Variants in ARHGAP15 observed in about 807,000 individuals in gnomAD.
ARHGAP15 encodes rho GTPase-activating protein 15.
In ARHGAP15, 51 loss-of-function variants were observed where a neutral mutation model predicts 63.7. That is an observed-to-expected ratio of 0.80 (90% CI 0.64 to 1.01). The LOEUF (loss-of-function observed/expected upper bound fraction) is 1.01, where lower values mean the gene tolerates loss of function less well. Ranked by LOEUF, ARHGAP15 falls within the 50% of genes least tolerant of loss-of-function variation. The probability of loss-of-function intolerance (pLI) is 0.00; values close to 1 mark genes in which losing one functional copy is unlikely to be tolerated. For missense variants in ARHGAP15, 560 were observed against 564.6 expected (o/e 0.99, Z 0.08); for synonymous variants, 191 against 193.8 (o/e 0.99, Z 0.12).
At chr2:143,299,220 A>G (rs1363339040) in intron 6 of ARHGAP15, among the ~76,000 whole-genome samples, 1 of 151,966 alleles carries the variant, frequency 6.6e-6, no homozygotes, top group East Asian at 1.9e-4. Flanking sequence ...ACAAATACAC[A>G]CTGCAGTAAT....
intron 6 of ARHGAP15, among the ~76,000 whole-genome samples, chr2:143,376,477 G>T (rs1342272620): frequency 6.6e-6 from 1 of 152,062 alleles, no homozygotes; most frequent in Non-Finnish European, 1.5e-5. Flanking sequence ...TCCAAAATCA[G>T]GATCCGGACC....
Position 143,519,371 on chromosome 2 carries a change from G to A in ARHGAP15, c.925+7G>A, listed in dbSNP as rs1280676687. On this transcript the variant is annotated splice_region_variant and intron_variant, in intron 10 of 13. Coordinates refer to ENST00000295095, the MANE Select transcript of ARHGAP15 (RefSeq NM_018460.4). ...GAAGCTGTTGAGAAAAGAGGTGGGT[G>A]ACTGAATGTGCAGCAGTTCCCCCCA... 6.2e-7 allele frequency: 1 copy of A among 1,607,836 alleles called. No individual in the cohort carries two copies. The highest frequency in any genetic ancestry group is 8.5e-7 in the Non-Finnish European group (1 of 1,174,952).
At chr2:143,418,584 C>T (rs555880157) in intron 6 of ARHGAP15, among the ~76,000 whole-genome samples, 76 of 152,034 alleles carry the variant, frequency 5.0e-4, no homozygotes, top group African/African-American at 1.8e-3. Flanking sequence ...ATTTAAAGTT[C>T]ACATAAAAGA....
intron 6 of ARHGAP15, among the ~76,000 whole-genome samples, chr2:143,287,625 G>A (rs1029954687): frequency 6.6e-6 from 1 of 151,966 alleles, no homozygotes; most frequent in Non-Finnish European, 1.5e-5. Context: ...GACCATCATG[G>A]TGAAACCCCA....
At chr2:143,567,572 A>C (rs1650927815) in intron 11 of ARHGAP15, among the ~76,000 whole-genome samples, 1 of 152,210 alleles carries the variant, frequency 6.6e-6, no homozygotes, top group African/African-American at 2.4e-5. Flanking sequence ...AGATTTGGGA[A>C]GAAGAGGAGG....
At chr2:143,565,084 A>G (rs1696170966) in intron 11 of ARHGAP15, among the ~76,000 whole-genome samples, 3 of 152,166 alleles carry the variant, frequency 2.0e-5, no homozygotes, top group Non-Finnish European at 1.5e-5. Flanking sequence ...TACTTAAGAA[A>G]AATTAAATAA....
At chr2:143,520,135 A>C (rs1193022335) in intron 10 of ARHGAP15, among the ~76,000 whole-genome samples, 2 of 152,182 alleles carry the variant, frequency 1.3e-5, no homozygotes, top group Non-Finnish European at 2.9e-5. Flanking sequence ...TATTCCCAGG[A>C]TCTAGGGGGA....
At chr2:143,411,021 A>G (rs565790994) in intron 6 of ARHGAP15, among the ~76,000 whole-genome samples, 1 of 152,214 alleles carries the variant, frequency 6.6e-6, no homozygotes, top group Admixed American at 6.5e-5. Context: ...CCTGACCAAC[A>G]TGGAAAAACC....
At chr2:143,354,130 G>A (rs1252884289) in intron 6 of ARHGAP15, among the ~76,000 whole-genome samples, 1 of 152,072 alleles carries the variant, frequency 6.6e-6, no homozygotes, top group Non-Finnish European at 1.5e-5. Context: ...AGTTTAGAAT[G>A]AGAAATTCAC....
chr2:143,621,993 G>A (rs1427691817), intron 11 of ARHGAP15, among the ~76,000 whole-genome samples: 5 of 151,626 alleles, frequency 3.3e-5, no homozygotes, highest in East Asian at 1.9e-4. Context: ...ATTTTTGGTA[G>A]AGATAGTTGT....
At chr2:143,538,937 A>G (rs1428898036) in intron 10 of ARHGAP15, among the ~76,000 whole-genome samples, 1 of 152,190 alleles carries the variant, frequency 6.6e-6, no homozygotes, top group Non-Finnish European at 1.5e-5. Context: ...CTTGATTGGT[A>G]TAGTTTCAGA....
At chr2:143,711,892 T>C (rs1684596163) in intron 13 of ARHGAP15, among the ~76,000 whole-genome samples, 1 of 152,128 alleles carries the variant, frequency 6.6e-6, no homozygotes, top group Admixed American at 6.5e-5. Flanking sequence ...ATTTTGCCAA[T>C]GCACTCTAGG....
chr2:143,308,933 G>T (rs1574249884), intron 6 of ARHGAP15, among the ~76,000 whole-genome samples: 1 of 44,286 alleles, frequency 2.3e-5, no homozygotes, highest in Non-Finnish European at 4.0e-5. Context: ...CTTCCTGGCA[G>T]CCAAAAAAAA....
intron 6 of ARHGAP15, among the ~76,000 whole-genome samples, chr2:143,302,036 T>A (rs1488328319): frequency 6.6e-6 from 1 of 151,988 alleles, no homozygotes; most frequent in Non-Finnish European, 1.5e-5. Flanking sequence ...GACAGTGTTT[T>A]GTTTTAGACT....
chr2:143,581,865 G>T (rs1574661251), intron 11 of ARHGAP15, among the ~76,000 whole-genome samples: 1 of 152,254 alleles, frequency 6.6e-6, no homozygotes, highest in Non-Finnish European at 1.5e-5. Context: ...AAGGATTGGA[G>T]CTTCTCTTTC....
intron 5 of ARHGAP15, among the ~76,000 whole-genome samples, chr2:143,240,203 A>G (rs1243198894): frequency 2.0e-5 from 3 of 151,482 alleles, no homozygotes; most frequent in African/African-American, 7.3e-5. Context: ...ATAAAATAAA[A>G]TAAAATAAAT....
At chr2:143,346,248 ACT>A (rs1365106806) in intron 6 of ARHGAP15, among the ~76,000 whole-genome samples, 39 of 135,250 alleles carry the variant, frequency 2.9e-4, no homozygotes, top group African/African-American at 9.6e-4. Context: ...ACACACACAC[ACT>A]CACACACACA....
intron 11 of ARHGAP15, among the ~76,000 whole-genome samples, chr2:143,623,453 C>T (rs550814154): frequency 2.6e-5 from 4 of 152,214 alleles, no homozygotes; most frequent in African/African-American, 9.6e-5. Flanking sequence ...TCATTTTTGA[C>T]AGCTTTGCAT....
At chr2:143,422,282 T>G (rs1299462302) in intron 6 of ARHGAP15, among the ~76,000 whole-genome samples, 1 of 152,144 alleles carries the variant, frequency 6.6e-6, no homozygotes, top group Non-Finnish European at 1.5e-5. Flanking sequence ...CAATAGTTGA[T>G]AGTAAGCCTC....
Sources: gnomAD v4.1 joint callset for allele counts (sites outside exome capture counted in the v4.1 genomes callset) on GRCh38, gnomAD v4.1.1 for gene constraint, MANE v1.5 for transcripts, NCBI Gene and HGNC (gene_info 2026-07-23, HGNC 2026-07-21) for gene names.